Variants in OVGP1 observed in about 807,000 individuals in gnomAD.
OVGP1 encodes the protein oviductal glycoprotein 1.
OVGP1 carries 26 observed loss-of-function variants against 48.2 expected under a neutral mutation model. That is an observed-to-expected ratio of 0.54 (90% confidence interval 0.40 to 0.75). The LOEUF (loss-of-function observed/expected upper bound fraction) is 0.75, where lower values mean the gene tolerates loss of function less well. OVGP1 is among the 30% of genes least tolerant of loss of function. OVGP1 has a pLI of 0.00. For synonymous variants in OVGP1, 294 were observed against 305.7 expected (o/e 0.96, Z 0.40); for missense variants, 791 against 820.6 (o/e 0.96, Z 0.44).
At position 111,421,578 on chromosome 1, in the gene OVGP1, T is replaced by A. The variant is rs764352131; in HGVS notation, c.704A>T (p.Asp235Val). 6.2e-7 allele frequency: 1 copy of A among 1,612,386 alleles called. No individual in the cohort carries two copies. The highest frequency in any genetic ancestry group is 1.1e-5 in the South Asian group (1 of 91,024). ...HNSPLFSLPE[D>V]PKSSAYAMNY... The stretch of plus-strand genomic sequence containing the variant: ...TCCTTTCCTTACCGAAGATTTGGGG[T>A]CTTCAGGCAGAGAGAAGAGGGGGCT... The change falls in exon 7 of 11, where the codon GAC (aspartate) becomes GTC (valine). Residue 235 changes from aspartate (D) to valine (V), a missense_variant. Asp to Val is a radical substitution (Grantham distance 152). Transcript: ENST00000369732.
At chr1:111,417,157 C>T (rs1374252997) in intron 9 of OVGP1, among the ~76,000 whole-genome samples, 1 of 152,228 alleles carries the variant, frequency 6.6e-6, no homozygotes, top group Admixed American at 6.5e-5. Context: ...TAAAAGTTAG[C>T]TACTAACCCT....
rs1395253548 is a variant in OVGP1, at chr1:111,414,909, G to C, written c.1592C>G (p.Ser531Cys). Reference sequence around the variant, plus strand: ...AGACTGATGACTCACAGGGGTCACAGACTGATGACCCACAGGGGTCAGGGT... The same window carrying C: ...AGACTGATGACTCACAGGGGTCACACACTGATGACCCACAGGGGTCAGGGT... ...EKTLTPVGHQSVTPVSHQSVS... is the reference protein window; with the variant it reads ...EKTLTPVGHQCVTPVSHQSVS... Residue 531 changes from serine (S) to cysteine (C), a missense_variant, in exon 11 of 11, where the codon TCT becomes TGT. Coordinates refer to ENST00000369732, the MANE Select transcript of OVGP1 (RefSeq NM_002557.4). The C allele has an allele frequency of 6.4e-7, 1 of 1,553,702 alleles. No individual in the cohort carries two copies. Among genetic ancestry groups the C allele is most frequent in the Non-Finnish European group, 8.7e-7 (1 of 1,143,144 alleles).
intron 3 of OVGP1, 150 bp from the exon 4 acceptor site, chr1:111,425,589 G>T: frequency 1.4e-6 from 2 of 1,382,122 alleles, no homozygotes; most frequent in Non-Finnish European, 2.0e-6. Context: ...GATAGAAGGA[G>T]AGAGATGATG....
Position 111,414,435 on chromosome 1 carries a change from T to A in OVGP1, c.*29A>T, listed in dbSNP as rs1429796326. ...TGTCACTTAGAAGAAAAGACAAGGG[T>A]TTTCCCTGGTTTCTGACACCAGAGG... On this transcript the variant is annotated 3_prime_UTR_variant, in exon 11 of 11. Coordinates refer to ENST00000369732, the MANE Select transcript of OVGP1 (RefSeq NM_002557.4). 6.4e-6 allele frequency: 10 copies of A among 1,568,040 alleles called. No individual in the cohort carries two copies. The South Asian group carries it at 1.1e-4, about 17-fold the overall frequency.
At position 111,414,325 on chromosome 1, in the gene OVGP1, TGTTTACA is replaced by T; in HGVS notation, c.*132_*138del. On this transcript the variant is annotated 3_prime_UTR_variant, in exon 11 of 11. Transcript: ENST00000369732. ...TCTCAGAGAACTCGGTGGGTTCTTG[TGTTTACA>T]GTTTATTTAATGGAAAAGAGATTGG... The T allele has an allele frequency of 4.3e-6, 3 of 702,082 alleles. No homozygotes were observed. Among genetic ancestry groups the T allele is most frequent in the Non-Finnish European group, 7.1e-6 (3 of 420,362 alleles). The allele number at this position is 702,082 out of a possible 1,614,324, so 43.5% of individuals were successfully genotyped here. A position where few individuals can be genotyped will look rare whatever the true frequency, so the allele number is the denominator to read the frequency against.
Position 111,414,720 on chromosome 1 carries a change from C to G in OVGP1, c.1781G>C (p.Gly594Ala), listed in dbSNP as rs560544780. ...TPEGQTMPLR[G>A]ENLTSEVGTH... ...GCCCACCTCAGAAGTCAAATTCTCC[C>G]CTCTTAAAGGCATAGTCTGCCCTTC... The change falls in exon 11 of 11, where the codon GGG (glycine) becomes GCG (alanine). Residue 594 changes from glycine (G) to alanine (A), a missense_variant. Gly to Ala is a moderately conservative substitution (Grantham distance 60). Coordinates refer to ENST00000369732, the MANE Select transcript of OVGP1 (RefSeq NM_002557.4). 6.2e-7 allele frequency: 1 copy of G among 1,613,764 alleles called. No individual in the cohort carries two copies. Among genetic ancestry groups the G allele is most frequent in the East Asian group, 2.2e-5 (1 of 44,872 alleles).
chr1:111,427,524 C>G (rs1179938295), intron 1 of OVGP1, 173 bp downstream of exon 1: 4 of 509,554 alleles, frequency 7.8e-6, no homozygotes, highest in Non-Finnish European at 1.0e-5. Flanking sequence ...GCTCTGACCA[C>G]TTCTCCCTGG....
rs1200666571 is a variant in OVGP1 at position 111,414,542 on chromosome 1, G to A, written c.1959C>T (p.Asn653=). Residue 653 remains asparagine, a synonymous_variant, in exon 11 of 11, where the codon AAC becomes AAT. Transcript: ENST00000369732. ...VPIYGNHSSV[N]SVTPQTSPLS... is the part of the protein sequence containing the mutation. ...GAGGACTTGTTTGAGGGGTTACTGA[G>A]TTGACAGAGGAATGGTTTCCATAGA... The A allele has an allele frequency of 1.2e-6, 2 of 1,614,000 alleles. No individual in the cohort carries two copies. Among genetic ancestry groups the A allele is most frequent in the Admixed American group, 3.3e-5 (2 of 60,006 alleles).
At chr1:111,419,048 A>AT (rs1652200101) in intron 9 of OVGP1, among the ~76,000 whole-genome samples, 26 of 152,292 alleles carry the variant, frequency 1.7e-4, no homozygotes, top group Admixed American at 1.4e-3. Flanking sequence ...TTTTTGCCTT[A>AT]AAATGCCCAC....
intron 2 of OVGP1, 196 bp downstream of exon 2, chr1:111,426,866 T>C (rs1367971835): frequency 1.3e-6 from 2 of 1,548,640 alleles, no homozygotes; most frequent in African/African-American, 1.4e-5. Flanking sequence ...TCAGAACAGA[T>C]TCTCAAGTCT....
rs774652408 is a variant in OVGP1 at position 111,414,543 on chromosome 1, T to C, written c.1958A>G (p.Asn653Ser). Residue 653 changes from asparagine (N) to serine (S), a missense_variant, in exon 11 of 11, where the codon AAC becomes AGC. Asn to Ser is a conservative substitution (Grantham distance 46). Transcript: ENST00000369732. ...AGGACTTGTTTGAGGGGTTACTGAG[T>C]TGACAGAGGAATGGTTTCCATAGAT... ...VPIYGNHSSV[N>S]SVTPQTSPLS... The C allele has an allele frequency of 7.4e-6, 12 of 1,614,074 alleles. No homozygotes were observed. Among genetic ancestry groups the C allele is most frequent in the Non-Finnish European group, 9.3e-6 (11 of 1,179,992 alleles).
At chr1:111,426,017 T>G (rs1333533183) in intron 3 of OVGP1, among the ~76,000 whole-genome samples, 2 of 152,166 alleles carry the variant, frequency 1.3e-5, no homozygotes, top group Non-Finnish European at 2.9e-5. Flanking sequence ...ACCTAGCCAC[T>G]GGGGATACAA....
At position 111,427,501 on chromosome 1, in the gene OVGP1, T is replaced by C. The variant is rs570350758; in HGVS notation, c.25+196A>G. 4 of 557,084 alleles carry C rather than the reference T, an allele frequency of 7.2e-6. No homozygotes were observed. In the East Asian group the frequency reaches 5.8e-4, roughly 81 times the overall value. The allele number at this position is 557,084 out of a possible 1,614,324, so 34.5% of individuals were successfully genotyped here. ...TTAAAATTTCTAATGGGCCACCAGG[T>C]TTGAGAACCACTGCTCTGACCACTT... On this transcript the variant is annotated intron_variant, in intron 1 of 10. Transcript: ENST00000369732.
Position 111,421,680 on chromosome 1 carries a change from G to T in OVGP1, c.609-7C>A, listed in dbSNP as rs375364907. 3.6e-4 allele frequency: 553 copies of T among 1,543,114 alleles called. No individual in the cohort carries two copies. The highest frequency in any genetic ancestry group is 4.3e-4 in the Non-Finnish European group (476 of 1,115,510). ...ATTGATGAAATCCAGGAGTCTGTAA[G>T]GGGCAGGAGGAAGAGATATAAAGAC... On this transcript the variant is annotated splice_region_variant and splice_polypyrimidine_tract_variant and intron_variant, in intron 6 of 10. Coordinates refer to ENST00000369732, the MANE Select transcript of OVGP1 (RefSeq NM_002557.4).
chr1:111,414,552 G>A lies in OVGP1; in HGVS notation c.1949C>T (p.Ser650Phe). 1.2e-6 allele frequency: 2 copies of A among 1,614,128 alleles called. No individual in the cohort carries two copies. The highest frequency in any genetic ancestry group is 1.7e-6 in the Non-Finnish European group (2 of 1,179,970). Residue 650 changes from serine (S) to phenylalanine (F), a missense_variant, in exon 11 of 11, where the codon TCC becomes TTC. By Grantham distance (155) the Ser-to-Phe change is radical. Transcript: ENST00000369732. ...TTGAGGGGTTACTGAGTTGACAGAG[G>A]AATGGTTTCCATAGATGGGAACAAA... is the stretch of plus-strand genomic sequence containing the variant. Reference protein sequence around the residue: ...NRFVPIYGNHSSVNSVTPQTS... With the variant: ...NRFVPIYGNHFSVNSVTPQTS...
chr1:111,426,436 C>T lies in OVGP1; in HGVS notation c.260+1G>A. ...AACCCCCACATCCAATATGAACACA[C>T]CTCTCCTTTAGTTTGTTGAACTCTG... On this transcript the variant is annotated splice_donor_variant, in intron 3 of 10. Coordinates refer to ENST00000369732, the MANE Select transcript of OVGP1 (RefSeq NM_002557.4). LOFTEE classifies it high-confidence loss of function. 1 of 1,614,050 alleles carries T rather than the reference C, an allele frequency of 6.2e-7. No individual in the cohort carries two copies. Among genetic ancestry groups the T allele is most frequent in the Non-Finnish European group, 8.5e-7 (1 of 1,179,980 alleles).
At chr1:111,419,286 T>C (rs1378090916) in intron 9 of OVGP1, among the ~76,000 whole-genome samples, 1 of 152,134 alleles carries the variant, frequency 6.6e-6, no homozygotes, top group Admixed American at 6.6e-5. Context: ...ATGATCTACT[T>C]TGTGTTGGTA....
At position 111,427,591 on chromosome 1, in the gene OVGP1, C is replaced by T. The variant is rs370992036; in HGVS notation, c.25+106G>A. ...CCATCCCATCTCTACCTAATCTAGGCTTCCCTGAGTCTCAGGCTGCTCTCT... is the reference window on the plus strand; with the variant it reads ...CCATCCCATCTCTACCTAATCTAGGTTTCCCTGAGTCTCAGGCTGCTCTCT... On this transcript the variant is annotated intron_variant, in intron 1 of 10. Coordinates refer to ENST00000369732, the MANE Select transcript of OVGP1 (RefSeq NM_002557.4). 1.9e-3 allele frequency: 2,686 copies of T among 1,381,490 alleles called. 72 individuals are homozygous for T. In the South Asian group the frequency reaches 0.03, roughly 15 times the overall value. The allele number at this position is 1,381,490 out of a possible 1,614,324, so 85.6% of individuals were successfully genotyped here.
At chr1:111,426,202 G>C (rs1652392453) in intron 3 of OVGP1, among the ~76,000 whole-genome samples, 1 of 152,214 alleles carries the variant, frequency 6.6e-6, no homozygotes, top group Non-Finnish European at 1.5e-5. Flanking sequence ...GCAGAGAAGA[G>C]AGAGAAGCAC....
Sources: allele counts gnomAD v4.1 joint callset (sites outside exome capture counted in the v4.1 genomes callset), GRCh38; gene constraint gnomAD v4.1.1; transcripts MANE v1.5; gene names NCBI Gene and HGNC (gene_info 2026-07-23, HGNC 2026-07-21).